CTNNA2: variants seen among roughly 807,000 people sequenced by gnomAD.
CTNNA2 encodes the protein catenin alpha-2.
In CTNNA2, 42 loss-of-function variants were observed where a neutral mutation model predicts 101.0. The ratio of observed to expected loss-of-function variants is 0.42; its 90% confidence interval spans 0.32 to 0.54. CTNNA2 has a LOEUF of 0.54. CTNNA2 is among the 20% of genes least tolerant of loss of function. CTNNA2 has a pLI of 0.14. For missense variants in CTNNA2, 871 were observed against 1,223.1 expected, an observed-to-expected ratio of 0.71 and a Z score of 4.29; for synonymous variants, 450 against 456.4, an observed-to-expected ratio of 0.99 and a Z score of 0.18.
At chr2:79,511,988 CTCT>C (rs1671556802), upstream of CTNNA2, among the ~76,000 whole-genome samples, 1 of 152,130 alleles carries the variant, frequency 6.6e-6, no homozygotes, top group Non-Finnish European at 1.5e-5. Flanking sequence ...TTGTTTCTCT[CTCT>C]TGATTTAAAA....
chr2:80,171,296 A>C lies in CTNNA2; in HGVS notation c.1057-221915A>C, dbSNP rs143692859. Among the ~76,000 whole-genome samples, 39 of 152,356 alleles carry C rather than the reference A, an allele frequency of 2.6e-4. No individual in the cohort carries two copies. In the East Asian group the frequency reaches 7.3e-3, roughly 29 times the overall value. On this transcript the variant is annotated intron_variant, in intron 7 of 18. Transcript: ENST00000402739. ...AGCTGCTGTACAGCCCTGACTAAAA[A>C]TGAAGGTGCTGATCTTCTGGTTTGT... is the stretch of plus-strand genomic sequence containing the variant.
intron 7 of CTNNA2, among the ~76,000 whole-genome samples, chr2:80,381,595 G>T (rs1676520898): frequency 6.6e-6 from 1 of 152,162 alleles, no homozygotes; most frequent in African/African-American, 2.4e-5. Flanking sequence ...GGTCAGAGTT[G>T]ATTTGGGCAG....
intron 4 of CTNNA2, among the ~76,000 whole-genome samples, chr2:79,400,149 G>T (rs748752109): frequency 6.6e-6 from 1 of 152,014 alleles, no homozygotes; most frequent in African/African-American, 2.4e-5. Flanking sequence ...AGAGACAAAT[G>T]GTTGCATTCT....
chr2:79,944,918 T>A (rs17018197), intron 7 of CTNNA2, among the ~76,000 whole-genome samples: 2,051 of 152,332 alleles, frequency 0.013, 52 homozygotes, highest in African/African-American at 0.047. Flanking sequence ...TTGTATTTCA[T>A]GTATCAACAT....
At chr2:79,553,389 GTTGCTTCCACAT>G (rs944237757) in intron 1 of CTNNA2, among the ~76,000 whole-genome samples, 6 of 152,092 alleles carry the variant, frequency 3.9e-5, no homozygotes, top group African/African-American at 1.2e-4. Flanking sequence ...TAGTTCCAAA[GTTGCTTCCACAT>G]TTGCAAGTAT....
At chr2:80,172,378 T>G (rs1463188250) in intron 7 of CTNNA2, among the ~76,000 whole-genome samples, 4 of 152,160 alleles carry the variant, frequency 2.6e-5, no homozygotes, top group Admixed American at 6.5e-5. Flanking sequence ...GGCCAGACTA[T>G]GGGGTTTGTT....
chr2:80,520,651 C>A (rs2149572653), intron 9 of CTNNA2, among the ~76,000 whole-genome samples: 1 of 152,248 alleles, frequency 6.6e-6, no homozygotes, highest in Non-Finnish European at 1.5e-5. Context: ...AGGCACTATT[C>A]CCATTCATGA....
At chr2:79,979,872 A>G (rs1219419630) in intron 7 of CTNNA2, among the ~76,000 whole-genome samples, 3 of 152,186 alleles carry the variant, frequency 2.0e-5, no homozygotes, top group Non-Finnish European at 4.4e-5. Flanking sequence ...ATATAAAGCA[A>G]AACCTTTTAC....
chr2:80,015,272 G>T (rs1276543051), intron 7 of CTNNA2, among the ~76,000 whole-genome samples: 1 of 152,056 alleles, frequency 6.6e-6, no homozygotes, highest in African/African-American at 2.4e-5. Flanking sequence ...TGGCCTGCTT[G>T]TGTACCTGTT....
chr2:79,664,758 T>C (rs1682288366), intron 2 of CTNNA2, among the ~76,000 whole-genome samples: 1 of 143,864 alleles, frequency 7.0e-6, no homozygotes, highest in African/African-American at 2.6e-5. Flanking sequence ...GTCTCCCCGG[T>C]TGGAGTGCAG....
chr2:79,385,132 C>T lies in CTNNA2; in HGVS notation c.-135+11119C>T, dbSNP rs189397790. On this transcript the variant is annotated intron_variant, in intron 4 of 21. Transcript: ENST00000466387. ...GTGACCTGCTTCCATCTTCTTGAGT[C>T]AGAGTCTTCAAGAGATAGTAGTACT... 5.3e-5 allele frequency among the ~76,000 whole-genome samples: 8 copies of T among 152,268 alleles called. No individual in the cohort carries two copies. In the East Asian group the frequency reaches 1.5e-3, roughly 29 times the overall value.
intron 2 of CTNNA2, among the ~76,000 whole-genome samples, chr2:79,203,081 G>A (rs1398318025): frequency 3.3e-5 from 5 of 152,116 alleles, no homozygotes; most frequent in Admixed American, 6.5e-5. Context: ...CGCCTTCCCT[G>A]CCACCTCCAT....
chr2:79,874,419 G>GC (rs1309977880), intron 6 of CTNNA2, 77 bp downstream of exon 6: 6 of 1,351,158 alleles, frequency 4.4e-6, no homozygotes, highest in Non-Finnish European at 6.2e-6. Flanking sequence ...AGGATGAAGG[G>GC]CCACTACAAT....
At chr2:79,550,717 C>T (rs1349253819) in intron 1 of CTNNA2, among the ~76,000 whole-genome samples, 1 of 152,120 alleles carries the variant, frequency 6.6e-6, no homozygotes, top group Admixed American at 6.6e-5. Flanking sequence ...GTTTGGATTC[C>T]TAGCATTGTC....
chr2:80,482,571 G>C (rs1686233767), intron 9 of CTNNA2, among the ~76,000 whole-genome samples: 1 of 152,154 alleles, frequency 6.6e-6, no homozygotes, highest in Non-Finnish European at 1.5e-5. Context: ...GAGGCAGCAG[G>C]CTAGCTTTAA....
In CTNNA2 at chr2:79,561,480, G is replaced by A. The variant is rs146012654; in HGVS notation, c.-6+48273G>A. On this transcript the variant is annotated intron_variant, in intron 1 of 18. Transcript: ENST00000402739. ...TGGAATCGTTTAGTTGCATGGTAACGCTAAGTTCAATTTTTTGAGCAACTT... is the reference window on the plus strand; with the variant it reads ...TGGAATCGTTTAGTTGCATGGTAACACTAAGTTCAATTTTTTGAGCAACTT... Among the ~76,000 whole-genome samples the A allele has an allele frequency of 1.2e-3, 186 of 151,880 alleles. 1 individual carries two copies. The highest frequency in any genetic ancestry group is 3.9e-3 in the African/African-American group (161 of 41,492).
At chr2:79,902,839 C>T (rs566012073) in intron 6 of CTNNA2, among the ~76,000 whole-genome samples, 42 of 152,114 alleles carry the variant, frequency 2.8e-4, no homozygotes, top group African/African-American at 9.9e-4. Flanking sequence ...ATTGGCCAGG[C>T]TGGTCTCGCA....
At chr2:79,998,512 T>C (rs1473706222) in intron 7 of CTNNA2, among the ~76,000 whole-genome samples, 1 of 152,204 alleles carries the variant, frequency 6.6e-6, no homozygotes, top group Non-Finnish European at 1.5e-5. Context: ...GGCTACCTTT[T>C]AGAAACACAC....
At chr2:80,646,147 G>A (rs549912300) in intron 18 of CTNNA2, among the ~76,000 whole-genome samples, 9 of 152,180 alleles carry the variant, frequency 5.9e-5, no homozygotes, top group East Asian at 1.9e-4. Flanking sequence ...TGCCAGTCAC[G>A]TCAGATGGAA....
Sources: allele counts gnomAD v4.1 joint callset (sites outside exome capture counted in the v4.1 genomes callset), GRCh38; gene constraint gnomAD v4.1.1; transcripts MANE v1.5; gene names NCBI Gene and HGNC (gene_info 2026-07-23, HGNC 2026-07-21).